ENOX1: variants seen among roughly 807,000 people sequenced by gnomAD.
The protein encoded by ENOX1 is candidate growth-related and time keeping constitutive hydroquinone (NADH) oxidase.
A neutral mutation model predicts 82.5 loss-of-function variants in ENOX1; 42 were observed. The observed-to-expected ratio is 0.51, with a 90% CI of 0.40 to 0.66. The LOEUF (loss-of-function observed/expected upper bound fraction) is 0.66. Among genes scored for constraint, ENOX1 ranks in the 30% least tolerant of loss-of-function variants. ENOX1 has a pLI of 0.00. For synonymous variants in ENOX1, 271 were observed against 282.2 expected, an observed-to-expected ratio of 0.96 and a Z score of 0.40; for missense variants, 608 against 811.6, an observed-to-expected ratio of 0.75 and a Z score of 3.05.
intron 12 of ENOX1, among the ~76,000 whole-genome samples, chr13:43,283,090 G>GAAA (rs56784809): frequency 1.4e-5 from 2 of 139,588 alleles, no homozygotes; most frequent in East Asian, 4.0e-4. Context: ...CTCAAGAAAA[G>GAAA]AAAAAAAAAA....
chr13:43,598,883 CAT>C (rs1388875042), intron 2 of ENOX1, among the ~76,000 whole-genome samples: 2 of 152,110 alleles, frequency 1.3e-5, no homozygotes, highest in South Asian at 2.1e-4. Context: ...GCAGAGGAAA[CAT>C]GTTATTCTGT....
Position 43,349,319 on chromosome 13 carries a change from A to C in ENOX1, c.824-4569T>G, listed in dbSNP as rs368090116. 2.6e-5 allele frequency among the ~76,000 whole-genome samples: 4 copies of C among 152,352 alleles called. No individual in the cohort carries two copies. The East Asian group carries it at 5.8e-4, about 22-fold the overall frequency. On this transcript the variant is annotated intron_variant, in intron 8 of 16. Transcript: ENST00000690772. Reference sequence around the variant, plus strand: ...GAAGCAAGGCCCTCTGCAGTGAGGCACTAAACAGTTTATCAAATAACTCAA... The same window carrying C: ...GAAGCAAGGCCCTCTGCAGTGAGGCCCTAAACAGTTTATCAAATAACTCAA...
chr13:43,607,719 A>C (rs2082036003), intron 2 of ENOX1, among the ~76,000 whole-genome samples: 1 of 152,232 alleles, frequency 6.6e-6, no homozygotes, highest in African/African-American at 2.4e-5. Context: ...AATTAGGGCA[A>C]GTACAGTTGC....
chr13:43,760,874 AAAC>A (rs1224402033), intron 1 of ENOX1, among the ~76,000 whole-genome samples: 18 of 151,128 alleles, frequency 1.2e-4, no homozygotes, highest in African/African-American at 3.7e-4. Context: ...AAAAAAAAAA[AAAC>A]AAGCAAACAA....
At chr13:43,752,381 TTGA>T (rs1400948520) in intron 1 of ENOX1, among the ~76,000 whole-genome samples, 2 of 152,216 alleles carry the variant, frequency 1.3e-5, no homozygotes, top group Non-Finnish European at 1.5e-5. Context: ...ATTTTTGATT[TTGA>T]TGATGTCTAA....
chr13:43,440,455 G>C lies in ENOX1; in HGVS notation c.-74-27467C>G, dbSNP rs115604665. On this transcript the variant is annotated intron_variant, in intron 3 of 16. Transcript: ENST00000690772. Reference sequence around the variant, plus strand: ...CTGACACTGCTTACTACAATATGTAGGTAACTCACGACATTTTTAAAGACA... The same window carrying C: ...CTGACACTGCTTACTACAATATGTACGTAACTCACGACATTTTTAAAGACA... Among the ~76,000 whole-genome samples the C allele has an allele frequency of 2.9e-3, 440 of 152,198 alleles. 1 individual carries two copies. The highest frequency in any genetic ancestry group is 0.01 in the African/African-American group (424 of 41,532).
In ENOX1 at chr13:43,360,166, G is replaced by T. The variant is rs575155476; in HGVS notation, c.383-109C>A. 8 of 940,524 alleles carry T rather than the reference G, an allele frequency of 8.5e-6. No individual in the cohort carries two copies. The South Asian group carries it at 1.1e-4, about 13-fold the overall frequency. The allele number at this position is 940,524 out of a possible 1,614,324, so 58.3% of individuals were successfully genotyped here. ...GTAACTTTCTCCAGACTGAGTGACG[G>T]TAAATTTCTATGCCAACTTAACATT... On this transcript the variant is annotated intron_variant, in intron 6 of 16. Transcript: ENST00000690772.
intron 1 of ENOX1, among the ~76,000 whole-genome samples, chr13:43,700,836 A>T (rs903610891): frequency 4.6e-5 from 7 of 152,182 alleles, no homozygotes; most frequent in Non-Finnish European, 8.8e-5. Context: ...TCAGCTATTC[A>T]TCATGATACA....
At chr13:43,605,746 G>C (rs1002215669) in intron 2 of ENOX1, among the ~76,000 whole-genome samples, 3 of 152,100 alleles carry the variant, frequency 2.0e-5, no homozygotes, top group African/African-American at 7.2e-5. Context: ...ATTGGACTGG[G>C]CAAAGACTTC....
intron 8 of ENOX1, among the ~76,000 whole-genome samples, chr13:43,347,132 C>T (rs2049442983): frequency 1.3e-5 from 2 of 152,166 alleles, no homozygotes; most frequent in African/African-American, 4.8e-5. Flanking sequence ...AAAAACACTT[C>T]AATTTTAAAA....
At chr13:43,591,552 C>G (rs1271188202) in intron 2 of ENOX1, among the ~76,000 whole-genome samples, 1 of 152,132 alleles carries the variant, frequency 6.6e-6, no homozygotes, top group Non-Finnish European at 1.5e-5. Context: ...AGGAGACACT[C>G]CATTTATTGG....
intron 1 of ENOX1, among the ~76,000 whole-genome samples, chr13:43,683,900 T>C (rs1006069877): frequency 3.9e-5 from 6 of 151,992 alleles, no homozygotes; most frequent in African/African-American, 7.2e-5. Flanking sequence ...AAGGACACTA[T>C]GGGAAGAGAA....
intron 1 of ENOX1, among the ~76,000 whole-genome samples, chr13:43,743,975 C>T (rs186746678): frequency 1.3e-5 from 2 of 151,816 alleles, no homozygotes; most frequent in African/African-American, 4.9e-5. Flanking sequence ...AACTCACTCT[C>T]ATGACAATGA....
chr13:43,448,593 G>C (rs1418442145), intron 3 of ENOX1, among the ~76,000 whole-genome samples: 1 of 152,186 alleles, frequency 6.6e-6, no homozygotes, highest in African/African-American at 2.4e-5. Flanking sequence ...AGCACAAAGA[G>C]CAATCCAGTA....
At chr13:43,261,260 G>A (rs2044040169) in intron 14 of ENOX1, among the ~76,000 whole-genome samples, 1 of 152,116 alleles carries the variant, frequency 6.6e-6, no homozygotes, top group African/African-American at 2.4e-5. Flanking sequence ...AGACAAATGA[G>A]GAAATACAAG....
chr13:43,781,857 G>A lies in ENOX1; in HGVS notation c.-285+4795C>T, dbSNP rs1298814474. On this transcript the variant is annotated intron_variant, in intron 1 of 16. Transcript: ENST00000690772. ...GTCTGTAGGACCTTAAACTCTATGT[G>A]TATGTGGAAGTATATGTGTACCTAA... 4.6e-5 allele frequency among the ~76,000 whole-genome samples: 7 copies of A among 152,186 alleles called. No individual in the cohort carries two copies. In the East Asian group the frequency reaches 1.3e-3, roughly 29 times the overall value.
chr13:43,668,424 T>C (rs565127652), intron 1 of ENOX1, among the ~76,000 whole-genome samples: 59 of 152,320 alleles, frequency 3.9e-4, no homozygotes, highest in Non-Finnish European at 7.6e-4. Context: ...CTATTATAAT[T>C]GCACGAATCT....
intron 1 of ENOX1, among the ~76,000 whole-genome samples, chr13:43,680,505 G>C (rs1315839633): frequency 1.3e-5 from 2 of 152,160 alleles, no homozygotes; most frequent in African/African-American, 4.8e-5. Flanking sequence ...TGGAGAAGAT[G>C]CAGCAAGACT....
intron 1 of ENOX1, among the ~76,000 whole-genome samples, chr13:43,697,220 T>C (rs1397367595): frequency 6.6e-6 from 1 of 152,136 alleles, no homozygotes. Context: ...CATATGTAGG[T>C]AGGGTCCATT....
Sources: gnomAD v4.1 joint callset for allele counts (sites outside exome capture counted in the v4.1 genomes callset) on GRCh38, gnomAD v4.1.1 for gene constraint, MANE v1.5 for transcripts, NCBI Gene and HGNC (gene_info 2026-07-23, HGNC 2026-07-21) for gene names.